The following PRIM1 variants were observed in gnomAD, a reference collection of about 807,000 sequenced individuals.
PRIM1 encodes DNA primase subunit 1, also known as DNA primase small subunit.
Under a neutral mutation model 60.2 loss-of-function variants are expected in PRIM1, and 38 were observed. The ratio of observed to expected loss-of-function variants is 0.63; its 90% CI spans 0.49 to 0.83. The LOEUF is 0.83. Among genes scored for constraint, PRIM1 ranks in the 40% least tolerant of loss-of-function variants. PRIM1 has a pLI of 0.00. For synonymous variants in PRIM1, 158 were observed against 160.2 expected (o/e 0.99, Z 0.10); for missense variants, 388 against 506.2 (o/e 0.77, Z 2.24).
At chr12:56,745,231 G>C (rs1029866940) in intron 5 of PRIM1, among the ~76,000 whole-genome samples, 1 of 151,960 alleles carries the variant, frequency 6.6e-6, no homozygotes, top group Non-Finnish European at 1.5e-5. Context: ...GGGCAATATA[G>C]TGAGACCTTG....
intron 11 of PRIM1, 93 bp from the exon 12 acceptor site, chr12:56,734,338 CT>C (rs1953807349): frequency 2.8e-6 from 2 of 719,904 alleles, no homozygotes; most frequent in African/African-American, 3.6e-5. Context: ...TTCTCTAGGG[CT>C]GCCCAATTGA....
intron 12 of PRIM1, among the ~76,000 whole-genome samples, chr12:56,733,159 G>GTT (rs10714181): frequency 1.6e-4 from 20 of 126,982 alleles, no homozygotes; most frequent in East Asian, 2.3e-4. Flanking sequence ...CCGGCCTAGG[G>GTT]TTTTTTTTTT....
chr12:56,743,050 C>A lies in PRIM1; in HGVS notation c.685G>T (p.Val229Phe). 1 of 1,536,528 alleles carries A rather than the reference C, an allele frequency of 6.5e-7. No individual in the cohort carries two copies. Among genetic ancestry groups the A allele is most frequent in the Non-Finnish European group, 8.7e-7 (1 of 1,144,570 alleles). Reference protein sequence around the residue: ...IKKYFEEYALVNQDILENKES... With the variant: ...IKKYFEEYALFNQDILENKES... ...TTATTTTCGAGAATATCTTGATTAACCAAGGCATATTCTTCAAAGTATTTT... is the reference window on the plus strand; with the variant it reads ...TTATTTTCGAGAATATCTTGATTAAACAAGGCATATTCTTCAAAGTATTTT... The change falls in exon 7 of 13, where the codon GTT becomes TTT. Residue 229 changes from valine (V) to phenylalanine (F), a missense_variant. Around this residue, in one of 3 missense-constraint regions of PRIM1, gnomAD observed 211 missense variants for 277.9 expected, o/e 0.76. Transcript: ENST00000338193.
intron 1 of PRIM1, chr12:56,751,842 G>A (rs374917529): frequency 9.0e-5 from 15 of 166,046 alleles, no homozygotes; most frequent in African/African-American, 3.6e-4. Context: ...AGGCTCTTCC[G>A]CTCCTGATGC....
At position 56,746,626 on chromosome 12, in the gene PRIM1, T is replaced by TCACACACA. The variant is rs71446569; in HGVS notation, c.442+147_442+154dup. ...AGCCTGGCTGACAGAGTGAGACTCG[T>TCACACACA]CACACACACACACACACACACACAC... On this transcript the variant is annotated intron_variant, in intron 4 of 12. Coordinates refer to ENST00000338193, the MANE Select transcript of PRIM1 (RefSeq NM_000946.3). 4.4e-4 allele frequency: 281 copies of TCACACACA among 640,624 alleles called. 1 individual carries two copies. The highest frequency in any genetic ancestry group is 3.9e-3 in the African/African-American group (174 of 45,006). The allele number at this position is 640,624 out of a possible 1,614,324, so 39.7% of individuals were successfully genotyped here.
intron 12 of PRIM1, among the ~76,000 whole-genome samples, chr12:56,732,569 C>T (rs1565904122): frequency 6.6e-6 from 1 of 152,094 alleles, no homozygotes; most frequent in South Asian, 2.1e-4. Flanking sequence ...CCTATTAAGC[C>T]CAAAACCAAG....
Position 56,744,084 on chromosome 12 carries a change from T to C in PRIM1, c.619A>G (p.Lys207Glu). 1.9e-6 allele frequency: 3 copies of C among 1,573,838 alleles called. No individual in the cohort carries two copies. Among genetic ancestry groups the C allele is most frequent in the Non-Finnish European group, 2.6e-6 (3 of 1,157,702 alleles). ...DVKKKVHLSEKIHPFIRKSIN... is the reference protein window; with the variant it reads ...DVKKKVHLSEEIHPFIRKSIN... Reference sequence around the variant, plus strand: ...ACAGACCTGATAAAAGGGTGAATTTTTTCACTTAGGTGAACTTTCTTTTTA... The same window carrying C: ...ACAGACCTGATAAAAGGGTGAATTTCTTCACTTAGGTGAACTTTCTTTTTA... The change falls in exon 6 of 13, where the codon AAA becomes GAA. Residue 207 changes from lysine (K) to glutamate (E), a missense_variant. By Grantham distance (56) the Lys-to-Glu change is moderately conservative. Coordinates refer to ENST00000338193, the MANE Select transcript of PRIM1 (RefSeq NM_000946.3).
intron 11 of PRIM1, among the ~76,000 whole-genome samples, chr12:56,736,832 C>T (rs1030680891): frequency 1.3e-5 from 2 of 151,956 alleles, no homozygotes; most frequent in Admixed American, 1.3e-4. Context: ...GACAAGGTCT[C>T]TCTCTGACAC....
rs540809227 is a variant in PRIM1, at chr12:56,745,195, T to A, written c.579+850A>T. On this transcript the variant is annotated intron_variant, in intron 5 of 12. Transcript: ENST00000338193. The stretch of plus-strand genomic sequence containing the variant: ...GGGAGCCTGAAGTGGGAGGATAGTT[T>A]GAGTTTAGGAGTTCAAGAACACCCT... 3.3e-5 allele frequency among the ~76,000 whole-genome samples: 5 copies of A among 152,062 alleles called. No homozygotes were observed. The South Asian group carries it at 1.0e-3, about 32-fold the overall frequency.
In PRIM1 at chr12:56,738,477, T is replaced by C. The variant is rs1477023646; in HGVS notation, c.1101A>G (p.Lys367=). Residue 367 remains lysine (K), a synonymous_variant, in exon 11 of 13, where the codon AAA becomes AAG. Coordinates refer to ENST00000338193, the MANE Select transcript of PRIM1 (RefSeq NM_000946.3). ...CATCAGATTCAGCTTCATTCTCCTCTTTTTCCTCTTCATTAGTGGAAATGG... is the reference window on the plus strand; with the variant it reads ...CATCAGATTCAGCTTCATTCTCCTCCTTTTCCTCTTCATTAGTGGAAATGG... ...LDAISTNEEE[K]EENEAESDVK... The C allele has an allele frequency of 5.0e-6, 8 of 1,588,060 alleles. No homozygotes were observed. In the South Asian group the frequency reaches 8.0e-5, roughly 16 times the overall value.
At chr12:56,736,532 C>G (rs1953832523) in intron 11 of PRIM1, among the ~76,000 whole-genome samples, 1 of 150,104 alleles carries the variant, frequency 6.7e-6, no homozygotes, top group Non-Finnish European at 1.5e-5. Flanking sequence ...GAGACGAAGT[C>G]TCACTCTGTT....
intron 11 of PRIM1, 81 bp from the exon 12 acceptor site, chr12:56,734,326 A>T: frequency 2.4e-6 from 2 of 832,404 alleles, no homozygotes; most frequent in South Asian, 3.4e-5. Flanking sequence ...TTCTTATAAG[A>T]ATTCTCTAGG....
intron 2 of PRIM1, among the ~76,000 whole-genome samples, chr12:56,747,718 C>T (rs557561691): frequency 5.2e-4 from 79 of 152,234 alleles, no homozygotes; most frequent in African/African-American, 1.8e-3. Context: ...GCACTCCAGC[C>T]TGGGTGACAG....
intron 11 of PRIM1, among the ~76,000 whole-genome samples, chr12:56,738,094 T>C (rs1305509874): frequency 2.0e-5 from 3 of 152,226 alleles, no homozygotes; most frequent in Non-Finnish European, 4.4e-5. Flanking sequence ...AAAACCCACC[T>C]ATATGCATCA....
At position 56,731,690 on chromosome 12, in the gene PRIM1, C is replaced by T. The variant is rs768914341; in HGVS notation, c.*25G>A. ...TCTGTGGTTGAAGGCAGAAGATATC[C>T]ACAATGGTTTGAGGAGCTCTGTCTT... On this transcript the variant is annotated 3_prime_UTR_variant, in exon 13 of 13. Coordinates refer to ENST00000338193, the MANE Select transcript of PRIM1 (RefSeq NM_000946.3). 33 of 1,505,052 alleles carry T rather than the reference C, an allele frequency of 2.2e-5. No homozygotes were observed. Among genetic ancestry groups the T allele is most frequent in the Non-Finnish European group, 2.9e-5 (32 of 1,109,362 alleles). 93.2% of individuals were successfully genotyped at this position (1,505,052 alleles called of 1,614,324 possible). A position where few individuals can be genotyped will look rare whatever the true frequency, so the allele number is the denominator to read the frequency against.
chr12:56,734,925 C>T (rs1413523152), intron 11 of PRIM1, among the ~76,000 whole-genome samples: 1 of 150,798 alleles, frequency 6.6e-6, no homozygotes, highest in African/African-American at 2.4e-5. Flanking sequence ...AATTCTCCTA[C>T]CTCAGCCTCC....
intron 11 of PRIM1, among the ~76,000 whole-genome samples, chr12:56,737,354 T>C (rs1258461186): frequency 6.7e-6 from 1 of 148,430 alleles, no homozygotes; most frequent in Non-Finnish European, 1.5e-5. Flanking sequence ...GCGGCATCTT[T>C]TTTTTTTTTT....
Position 56,736,490 on chromosome 12 carries a change from A to G in PRIM1, c.1144+1944T>C, listed in dbSNP as rs1053711972. ...ATCCTCATAATAGTTCTTTAAAAAG[A>G]GTAAGAAAGAAATTATACTTTTTTT... is the stretch of plus-strand genomic sequence containing the variant. On this transcript the variant is annotated intron_variant, in intron 11 of 12. Transcript: ENST00000338193. Among the ~76,000 whole-genome samples the G allele has an allele frequency of 7.1e-5, 10 of 140,756 alleles. 1 individual carries two copies. The Admixed American group carries it at 7.7e-4, about 11-fold the overall frequency. The allele number at this position is 140,756 out of a possible 152,430, so 92.3% of individuals were successfully genotyped here.
rs372491625 is a variant in PRIM1, at chr12:56,737,076, G to A, written c.1144+1358C>T. Among the ~76,000 whole-genome samples, 12 of 151,620 alleles carry A rather than the reference G, an allele frequency of 7.9e-5. No individual in the cohort carries two copies. The East Asian group carries it at 2.0e-3, about 25-fold the overall frequency. On this transcript the variant is annotated intron_variant, in intron 11 of 12. Transcript: ENST00000338193. ...TACAGGTGTGAGGTGAGCAGTAAGC[G>A]AGCATTACCGCCTGAGCTCTGCCTT...
Sources: gnomAD v4.1 joint callset for allele counts (sites outside exome capture counted in the v4.1 genomes callset) on GRCh38, gnomAD v4.1.1 for gene constraint, gnomAD v4.1.1 regional missense constraint, MANE v1.5 for transcripts, NCBI Gene and HGNC (gene_info 2026-07-23, HGNC 2026-07-21) for gene names.